NRXN1: variants seen among roughly 807,000 people sequenced by gnomAD.
NRXN1 encodes the protein neurexin-1.
In NRXN1, 39 loss-of-function variants were observed where a neutral mutation model predicts 150.9. That is an observed-to-expected ratio of 0.26 (90% CI 0.20 to 0.34). The LOEUF is 0.34. Among genes scored for constraint, NRXN1 ranks in the 10% least tolerant of loss-of-function variants. NRXN1 has a pLI of 1.00. For missense variants in NRXN1, 1,815 were observed against 1,949.9 expected, an observed-to-expected ratio of 0.93 and a Z score of 1.30; for synonymous variants, 924 against 757.0, an observed-to-expected ratio of 1.22 and a Z score of -3.62.
chr2:50,336,838 C>T (rs1482578189), intron 17 of NRXN1, among the ~76,000 whole-genome samples: 1 of 151,950 alleles, frequency 6.6e-6, no homozygotes, highest in African/African-American at 2.4e-5. Context: ...CTCTCGATGC[C>T]CTGTGTACTT....
chr2:50,401,574 A>G (rs935220735), intron 17 of NRXN1, among the ~76,000 whole-genome samples: 3 of 151,966 alleles, frequency 2.0e-5, no homozygotes, highest in Non-Finnish European at 2.9e-5. Flanking sequence ...AAGACAGGAC[A>G]CTTTACTAGA....
At chr2:50,146,288 G>A (rs1456392208) in intron 18 of NRXN1, among the ~76,000 whole-genome samples, 1 of 151,618 alleles carries the variant, frequency 6.6e-6, no homozygotes, top group Non-Finnish European at 1.5e-5. Context: ...CAAGGATCTA[G>A]AACTAGAAAT....
intron 9 of NRXN1, among the ~76,000 whole-genome samples, chr2:50,543,831 A>G (rs555904744): frequency 2.0e-4 from 30 of 152,286 alleles, no homozygotes; most frequent in Admixed American, 1.3e-4. Context: ...GTTGATGTCA[A>G]GAGTTAAATT....
intron 13 of NRXN1, among the ~76,000 whole-genome samples, chr2:50,500,851 T>G (rs189121155): frequency 1.3e-5 from 2 of 152,322 alleles, no homozygotes; most frequent in East Asian, 3.9e-4. Context: ...AACCCTCCCT[T>G]ACATCCACTT....
At chr2:50,910,001 C>A (rs915222116) in intron 5 of NRXN1, among the ~76,000 whole-genome samples, 12 of 151,400 alleles carry the variant, frequency 7.9e-5, no homozygotes, top group African/African-American at 2.7e-4. Flanking sequence ...CATTCTTAGA[C>A]TAGCCTCAGC....
intron 5 of NRXN1, among the ~76,000 whole-genome samples, chr2:50,675,979 G>T (rs1453817952): frequency 1.3e-5 from 2 of 152,104 alleles, no homozygotes; most frequent in Non-Finnish European, 2.9e-5. Context: ...GTCAAGTCCT[G>T]TTGCAATTTG....
At chr2:50,362,979 A>C (rs1490626527) in intron 17 of NRXN1, among the ~76,000 whole-genome samples, 2 of 152,144 alleles carry the variant, frequency 1.3e-5, no homozygotes, top group African/African-American at 4.8e-5. Flanking sequence ...TGATGAAAAC[A>C]AGCAATGGGG....
intron 12 of NRXN1, among the ~76,000 whole-genome samples, chr2:50,522,867 G>A (rs1249160120): frequency 6.7e-6 from 1 of 149,946 alleles, no homozygotes; most frequent in African/African-American, 2.5e-5. Flanking sequence ...AAGTAGCTGG[G>A]ATTATAGGCA....
intron 21 of NRXN1, chr2:49,973,786 C>T (rs764696740): frequency 3.2e-5 from 18 of 570,012 alleles, no homozygotes; most frequent in African/African-American, 5.6e-5. Flanking sequence ...TCACATACAG[C>T]GTGCATAAAT....
At chr2:50,504,484 G>A (rs2092120996) in intron 13 of NRXN1, among the ~76,000 whole-genome samples, 1 of 152,138 alleles carries the variant, frequency 6.6e-6, no homozygotes, top group Admixed American at 6.5e-5. Context: ...AATGTTCACA[G>A]TAGTAAAGGT....
chr2:50,876,886 C>T (rs951521995), intron 5 of NRXN1, among the ~76,000 whole-genome samples: 11 of 151,794 alleles, frequency 7.2e-5, no homozygotes, highest in South Asian at 4.2e-4. Flanking sequence ...AAATTTAAAA[C>T]AAAAAATAAT....
chr2:50,445,917 G>C (rs1323761939), intron 17 of NRXN1, among the ~76,000 whole-genome samples: 1 of 152,062 alleles, frequency 6.6e-6, no homozygotes, highest in South Asian at 2.1e-4. Context: ...CTAAAAGATA[G>C]GTCCTGAAAC....
intron 21 of NRXN1, among the ~76,000 whole-genome samples, chr2:50,012,706 G>C (rs1407788642): frequency 6.6e-6 from 1 of 151,990 alleles, no homozygotes; most frequent in Non-Finnish European, 1.5e-5. Context: ...ACTCTACAAG[G>C]CACCAAGTTC....
chr2:50,071,428 T>C (rs1359855527), intron 19 of NRXN1, among the ~76,000 whole-genome samples: 3 of 152,212 alleles, frequency 2.0e-5, no homozygotes. Flanking sequence ...AAAATGAGGC[T>C]GTTACGGTGG....
At chr2:50,370,984 G>T (rs1473271292) in intron 17 of NRXN1, among the ~76,000 whole-genome samples, 1 of 151,824 alleles carries the variant, frequency 6.6e-6, no homozygotes, top group African/African-American at 2.4e-5. Context: ...AGGAACTGCC[G>T]GTACCTATTT....
intron 18 of NRXN1, among the ~76,000 whole-genome samples, chr2:50,216,470 G>T (rs1163386209): frequency 4.0e-5 from 6 of 151,878 alleles, no homozygotes; most frequent in African/African-American, 1.4e-4. Context: ...TTACCAATCG[G>T]ATTTTGAAAA....
Position 50,254,201 on chromosome 2 carries a change from T to C in NRXN1, c.3365-17231A>G, listed in dbSNP as rs184301902. On this transcript the variant is annotated intron_variant, in intron 17 of 22. Coordinates refer to ENST00000401669, the MANE Select transcript of NRXN1 (RefSeq NM_001330078.2). ...CTCTAGATTTTCTAGTTTGTTTGCA[T>C]AGAGGTGTTTATAGTATACTCTGAT... Among the ~76,000 whole-genome samples the C allele has an allele frequency of 3.6e-3, 540 of 152,086 alleles. 12 individuals carry two copies. Among genetic ancestry groups the C allele is most frequent in the African/African-American group, 0.011 (465 of 41,368 alleles).
intron 5 of NRXN1, among the ~76,000 whole-genome samples, chr2:50,897,344 T>C (rs996907607): frequency 6.6e-6 from 1 of 152,166 alleles, no homozygotes; most frequent in African/African-American, 2.4e-5. Context: ...ACACAAAATT[T>C]TTCTCAAACA....
At chr2:50,490,578 G>C (rs965826999) in intron 15 of NRXN1, among the ~76,000 whole-genome samples, 8 of 152,330 alleles carry the variant, frequency 5.3e-5, no homozygotes, top group African/African-American at 1.7e-4. Flanking sequence ...ATGGACAGAA[G>C]TGGAAACATA....
Sources: allele counts gnomAD v4.1 joint callset (sites outside exome capture counted in the v4.1 genomes callset), GRCh38; gene constraint gnomAD v4.1.1; transcripts MANE v1.5; gene names NCBI Gene and HGNC (gene_info 2026-07-23, HGNC 2026-07-21).